LPP: variants seen among roughly 807,000 people sequenced by gnomAD.
LPP encodes lipoma-preferred partner.
In LPP, 38 loss-of-function variants were observed where a neutral mutation model predicts 60.4. That is an observed-to-expected ratio of 0.63 (90% CI 0.49 to 0.83). The LOEUF is 0.83. Among genes scored for constraint, LPP ranks in the 40% least tolerant of loss-of-function variants. The probability of loss-of-function intolerance (pLI) is 0.00; values close to 1 mark genes in which losing one functional copy is unlikely to be tolerated. For missense variants in LPP, 902 were observed against 783.6 expected (o/e 1.15, Z -1.80); for synonymous variants, 328 against 290.8 (o/e 1.13, Z -1.30).
chr3:188,502,985 T>A (rs2149896738), intron 5 of LPP, among the ~76,000 whole-genome samples: 1 of 152,218 alleles, frequency 6.6e-6, no homozygotes, highest in South Asian at 2.1e-4. Flanking sequence ...CAAACCCTTA[T>A]AAAATTTATA....
At chr3:188,636,231 T>C (rs1013817713) in intron 7 of LPP, among the ~76,000 whole-genome samples, 2 of 152,170 alleles carry the variant, frequency 1.3e-5, no homozygotes, top group Admixed American at 1.3e-4. Context: ...GGGCGAGGCA[T>C]TGCCTCACTC....
chr3:188,387,787 G>T (rs1024155780), intron 3 of LPP, among the ~76,000 whole-genome samples: 1 of 151,982 alleles, frequency 6.6e-6, no homozygotes, highest in Non-Finnish European at 1.5e-5. Flanking sequence ...GGCTGGTCTT[G>T]AACTCCTGAT....
intron 7 of LPP, among the ~76,000 whole-genome samples, chr3:188,683,362 C>G (rs1356233363): frequency 5.9e-5 from 9 of 152,024 alleles, no homozygotes; most frequent in Admixed American, 5.9e-4. Context: ...ATTGGAGAAC[C>G]CTATGTGCTC....
chr3:188,602,866 C>A (rs983497141), intron 6 of LPP, among the ~76,000 whole-genome samples: 1 of 151,528 alleles, frequency 6.6e-6, no homozygotes, highest in African/African-American at 2.4e-5. Flanking sequence ...CTTTTTTTCT[C>A]GGTCTCCCAA....
At chr3:188,444,563 C>T (rs1056177723) in intron 4 of LPP, among the ~76,000 whole-genome samples, 1 of 152,112 alleles carries the variant, frequency 6.6e-6, no homozygotes, top group Non-Finnish European at 1.5e-5. Flanking sequence ...CCATTTAGGA[C>T]ATAGGCATGG....
At chr3:188,704,872 T>C (rs1865172499) in intron 7 of LPP, among the ~76,000 whole-genome samples, 1 of 152,102 alleles carries the variant, frequency 6.6e-6, no homozygotes, top group Non-Finnish European at 1.5e-5. Flanking sequence ...CGAGAAGCCC[T>C]AAACATCTCA....
rs377564896 is a variant in LPP, at chr3:188,297,969, C to G, written c.-66-43694C>G. Among the ~76,000 whole-genome samples, 4 of 152,296 alleles carry G rather than the reference C, an allele frequency of 2.6e-5. No individual in the cohort carries two copies. The East Asian group carries it at 5.8e-4, about 22-fold the overall frequency. ...ACAAATTTTCTCCAATGGGAAGTTTCTTCAGAGCCTATCATTGTTTCAACA... is the reference window on the plus strand; with the variant it reads ...ACAAATTTTCTCCAATGGGAAGTTTGTTCAGAGCCTATCATTGTTTCAACA... On this transcript the variant is annotated intron_variant, in intron 2 of 11. Transcript: ENST00000617246.
intron 3 of LPP, among the ~76,000 whole-genome samples, chr3:188,361,059 G>GC (rs1769159582): frequency 1.3e-5 from 2 of 152,168 alleles, no homozygotes; most frequent in Admixed American, 1.3e-4. Context: ...AATGCTGCTT[G>GC]TTTTTAATGA....
At chr3:188,536,415 C>A (rs1008971761) in intron 6 of LPP, among the ~76,000 whole-genome samples, 3 of 152,172 alleles carry the variant, frequency 2.0e-5, no homozygotes, top group Non-Finnish European at 2.9e-5. Context: ...ATTTCTGATA[C>A]TTCTTGACCC....
intron 1 of LPP, among the ~76,000 whole-genome samples, chr3:188,177,427 G>C (rs1430726882): frequency 6.6e-6 from 1 of 152,154 alleles, no homozygotes; most frequent in African/African-American, 2.4e-5. Flanking sequence ...GCATAGGAGG[G>C]TGGCAGACAG....
At chr3:188,428,296 CA>C (rs1478476737) in intron 4 of LPP, among the ~76,000 whole-genome samples, 1 of 152,124 alleles carries the variant, frequency 6.6e-6, no homozygotes, top group Non-Finnish European at 1.5e-5. Flanking sequence ...GTTGGAAATG[CA>C]GAAATCACCC....
intron 9 of LPP, among the ~76,000 whole-genome samples, chr3:188,817,271 C>T (rs1752719864): frequency 6.6e-6 from 1 of 152,170 alleles, no homozygotes; most frequent in African/African-American, 2.4e-5. Flanking sequence ...TACAGATCTC[C>T]TAATAGCACT....
chr3:188,776,140 A>G (rs1241143712), intron 9 of LPP, among the ~76,000 whole-genome samples: 1 of 152,238 alleles, frequency 6.6e-6, no homozygotes, highest in African/African-American at 2.4e-5. Flanking sequence ...GAACAAATAT[A>G]ACACAAGGCA....
intron 8 of LPP, among the ~76,000 whole-genome samples, chr3:188,717,777 T>G (rs904017522): frequency 6.6e-6 from 1 of 152,356 alleles, no homozygotes; most frequent in East Asian, 1.9e-4. Context: ...GTGTTCTATC[T>G]TAGCATACAT....
intron 11 of LPP, 54 bp from the exon 12 acceptor site, chr3:188,874,297 A>G: frequency 6.4e-7 from 1 of 1,566,002 alleles, no homozygotes; most frequent in Non-Finnish European, 8.7e-7. Context: ...TGTTCTCCAC[A>G]TGTGTACTTA....
intron 4 of LPP, among the ~76,000 whole-genome samples, chr3:188,438,017 T>A (rs941337677): frequency 1.8e-4 from 27 of 152,272 alleles, no homozygotes; most frequent in African/African-American, 6.3e-4. Context: ...AGGGACAGGA[T>A]GGACAGGCTA....
intron 2 of LPP, among the ~76,000 whole-genome samples, chr3:188,257,797 C>CT (rs1179275091): frequency 6.6e-6 from 1 of 152,204 alleles, no homozygotes; most frequent in Non-Finnish European, 1.5e-5. Context: ...TTCTTTCCCA[C>CT]TTTGCAAATA....
intron 5 of LPP, among the ~76,000 whole-genome samples, chr3:188,519,174 A>G (rs1818207830): frequency 6.6e-6 from 1 of 152,198 alleles, no homozygotes; most frequent in African/African-American, 2.4e-5. Flanking sequence ...AGTCATGCTT[A>G]AAATGGTGAA....
intron 9 of LPP, among the ~76,000 whole-genome samples, chr3:188,847,710 AAAAC>A (rs1468082501): frequency 6.6e-6 from 1 of 152,246 alleles, no homozygotes; most frequent in Non-Finnish European, 1.5e-5. Flanking sequence ...TGAAACCAGA[AAAAC>A]AAATCAAGAA....
Sources: gnomAD v4.1 joint callset for allele counts (sites outside exome capture counted in the v4.1 genomes callset) on GRCh38, gnomAD v4.1.1 for gene constraint, MANE v1.5 for transcripts, NCBI Gene and HGNC (gene_info 2026-07-23, HGNC 2026-07-21) for gene names.